GALNTL6: variants seen among roughly 807,000 people sequenced by gnomAD.
GALNTL6 encodes the protein polypeptide N-acetylgalactosaminyltransferase-like 6.
A neutral mutation model predicts 73.7 loss-of-function variants in GALNTL6; 46 were observed. The observed-to-expected ratio is 0.62, with a 90% CI of 0.49 to 0.80. The LOEUF (loss-of-function observed/expected upper bound fraction) is 0.80. Among genes scored for constraint, GALNTL6 ranks in the 30% least tolerant of loss-of-function variants. The probability of loss-of-function intolerance (pLI) is 0.00; values close to 1 mark genes in which losing one functional copy is unlikely to be tolerated. For synonymous variants in GALNTL6, 259 were observed against 263.7 expected (o/e 0.98, Z 0.17); for missense variants, 604 against 755.0 (o/e 0.80, Z 2.34).
intron 2 of GALNTL6, among the ~76,000 whole-genome samples, chr4:171,844,142 C>T (rs1342793206): frequency 6.6e-6 from 1 of 152,010 alleles, no homozygotes; most frequent in Non-Finnish European, 1.5e-5. Flanking sequence ...CTTAATGTTA[C>T]CTATTAAATT....
chr4:172,542,065 TAGG>T (rs1231667014), intron 5 of GALNTL6, among the ~76,000 whole-genome samples: 2 of 151,566 alleles, frequency 1.3e-5, no homozygotes, highest in Non-Finnish European at 2.9e-5. Flanking sequence ...AGGAGGAGTT[TAGG>T]AGTAGAGCTT....
At chr4:172,669,278 G>A (rs1731840472) in intron 5 of GALNTL6, 2 of 152,114 alleles carry the variant, frequency 1.3e-5, no homozygotes, top group Non-Finnish European at 2.9e-5. Flanking sequence ...GCTTATTTAA[G>A]GCTAACCTGC....
At chr4:172,970,530 G>A (rs540488661) in intron 10 of GALNTL6, among the ~76,000 whole-genome samples, 10 of 152,226 alleles carry the variant, frequency 6.6e-5, no homozygotes, top group Admixed American at 2.6e-4. Flanking sequence ...TTACATGTCC[G>A]TGTATAGGCT....
intron 5 of GALNTL6, among the ~76,000 whole-genome samples, chr4:172,646,775 T>C (rs960278521): frequency 6.6e-6 from 1 of 152,070 alleles, no homozygotes; most frequent in African/African-American, 2.4e-5. Flanking sequence ...TGAAATACTA[T>C]GCTGATAGCT....
intron 5 of GALNTL6, among the ~76,000 whole-genome samples, chr4:172,374,540 T>G (rs1462908872): frequency 6.6e-6 from 1 of 152,216 alleles, no homozygotes; most frequent in Admixed American, 6.5e-5. Flanking sequence ...TTCCTTTCCC[T>G]GAGTTATGGT....
chr4:172,272,045 C>G (rs1476112331), intron 3 of GALNTL6, among the ~76,000 whole-genome samples: 1 of 151,990 alleles, frequency 6.6e-6, no homozygotes, highest in African/African-American at 2.4e-5. Context: ...CTCCGCCTCC[C>G]AGGTTCAAGT....
intron 5 of GALNTL6, among the ~76,000 whole-genome samples, chr4:172,375,233 T>A (rs1047210714): frequency 2.0e-5 from 3 of 152,276 alleles, no homozygotes; most frequent in African/African-American, 7.2e-5. Context: ...ACATAAGGCA[T>A]TTCACTCTAT....
intron 2 of GALNTL6, among the ~76,000 whole-genome samples, chr4:171,828,951 A>G (rs950194663): frequency 2.6e-5 from 4 of 152,130 alleles, no homozygotes; most frequent in Non-Finnish European, 5.9e-5. Flanking sequence ...GACTTTCTTA[A>G]TAACATTTTA....
intron 7 of GALNTL6, among the ~76,000 whole-genome samples, chr4:172,846,121 T>A (rs1316780024): frequency 6.6e-6 from 1 of 152,224 alleles, no homozygotes; most frequent in Non-Finnish European, 1.5e-5. Context: ...CCTTCTCAAC[T>A]GAGCCCTGGC....
intron 11 of GALNTL6, among the ~76,000 whole-genome samples, chr4:173,011,079 A>G (rs1451137536): frequency 1.3e-5 from 2 of 152,170 alleles, no homozygotes; most frequent in African/African-American, 4.8e-5. Flanking sequence ...AACTCATTGT[A>G]GTTTTGATCT....
chr4:172,620,168 G>A (rs1738899983), intron 5 of GALNTL6, among the ~76,000 whole-genome samples: 1 of 152,170 alleles, frequency 6.6e-6, no homozygotes, highest in South Asian at 2.1e-4. Flanking sequence ...ATATAGTAAT[G>A]TATGCACAAC....
chr4:171,850,283 A>G (rs1463111318), intron 2 of GALNTL6, among the ~76,000 whole-genome samples: 1 of 152,162 alleles, frequency 6.6e-6, no homozygotes, highest in Non-Finnish European at 1.5e-5. Context: ...GTTGGGCCCT[A>G]TGCATCAAAA....
intron 5 of GALNTL6, among the ~76,000 whole-genome samples, chr4:172,472,719 CAG>C (rs1479128882): frequency 6.6e-6 from 1 of 151,992 alleles, no homozygotes; most frequent in Admixed American, 6.6e-5. Context: ...AAGACAGAGA[CAG>C]AAATTAAAAT....
intron 2 of GALNTL6, among the ~76,000 whole-genome samples, chr4:171,889,034 AAAAAG>A (rs901769940): frequency 1.8e-4 from 27 of 152,210 alleles, no homozygotes; most frequent in African/African-American, 6.3e-4. Context: ...TCCTTAAAGA[AAAAAG>A]AAAAGAAAAG....
At chr4:172,377,757 C>T (rs1561054750) in intron 5 of GALNTL6, among the ~76,000 whole-genome samples, 1 of 152,138 alleles carries the variant, frequency 6.6e-6, no homozygotes, top group Non-Finnish European at 1.5e-5. Flanking sequence ...ACCTGGTGCA[C>T]CCTCCGCAGA....
At chr4:172,055,163 A>G (rs146614385) in intron 2 of GALNTL6, among the ~76,000 whole-genome samples, 47 of 152,226 alleles carry the variant, frequency 3.1e-4, no homozygotes, top group African/African-American at 1.1e-3. Context: ...AAATAAACCA[A>G]TAAGTAGAGA....
At chr4:172,607,802 A>G (rs1050526872) in intron 5 of GALNTL6, among the ~76,000 whole-genome samples, 6 of 152,006 alleles carry the variant, frequency 3.9e-5, no homozygotes, top group Non-Finnish European at 5.9e-5. Context: ...CTGGTGTGAG[A>G]TGGTATCTCA....
intron 2 of GALNTL6, among the ~76,000 whole-genome samples, chr4:171,957,085 TA>T (rs1739074938): frequency 6.6e-6 from 1 of 152,192 alleles, no homozygotes; most frequent in South Asian, 2.1e-4. Context: ...GTAGTGTACC[TA>T]AATCCTGCAC....
chr4:171,980,423 G>C (rs888405602), intron 2 of GALNTL6, among the ~76,000 whole-genome samples: 7 of 152,124 alleles, frequency 4.6e-5, no homozygotes, highest in African/African-American at 1.7e-4. Context: ...TCAAGAAAAT[G>C]ATTAAAGAGG....
Sources: gnomAD v4.1 joint callset for allele counts (sites outside exome capture counted in the v4.1 genomes callset) on GRCh38, gnomAD v4.1.1 for gene constraint, MANE v1.5 for transcripts, NCBI Gene and HGNC (gene_info 2026-07-23, HGNC 2026-07-21) for gene names.